Variants in GNPTAB observed in about 807,000 individuals in gnomAD.
GNPTAB encodes the protein N-acetylglucosamine-1-phosphotransferase subunits alpha/beta.
A neutral mutation model predicts 136.6 loss-of-function variants in GNPTAB; 92 were observed. The ratio of observed to expected loss-of-function variants is 0.67; its 90% CI spans 0.57 to 0.80. GNPTAB has a LOEUF of 0.80. GNPTAB is among the 30% of genes least tolerant of loss of function. GNPTAB has a pLI of 0.00. For missense variants in GNPTAB, 1,343 were observed against 1,501.8 expected, an observed-to-expected ratio of 0.89 and a Z score of 1.75; for synonymous variants, 512 against 535.1, an observed-to-expected ratio of 0.96 and a Z score of 0.60.
At chr12:101,760,201 TTAAAAA>T in intron 15 of GNPTAB, 58 bp from the exon 16 acceptor site, 1 of 1,090,630 alleles carries the variant, frequency 9.2e-7, no homozygotes. Flanking sequence ...GACTGTGGTT[TTAAAAA>T]TAAAAATTAA....
intron 1 of GNPTAB, among the ~76,000 whole-genome samples, chr12:101,818,569 G>A (rs960029054): frequency 6.6e-6 from 1 of 152,008 alleles, no homozygotes; most frequent in African/African-American, 2.4e-5. Flanking sequence ...GTAGAGATGA[G>A]GTTTCACCAT....
intron 1 of GNPTAB, among the ~76,000 whole-genome samples, chr12:101,801,981 A>C (rs865804555): frequency 1.7e-4 from 26 of 152,032 alleles, no homozygotes; most frequent in Admixed American, 1.2e-3. Context: ...TGAAGTCAGG[A>C]GTTCATGGCC....
At chr12:101,810,864 G>C (rs1870194531) in intron 1 of GNPTAB, among the ~76,000 whole-genome samples, 1 of 152,154 alleles carries the variant, frequency 6.6e-6, no homozygotes, top group Admixed American at 6.5e-5. Flanking sequence ...AAGAAAGCCT[G>C]TCACCAGATG....
At chr12:101,804,927 A>C (rs775297307) in intron 1 of GNPTAB, among the ~76,000 whole-genome samples, 3 of 152,244 alleles carry the variant, frequency 2.0e-5, no homozygotes, top group Non-Finnish European at 2.9e-5. Flanking sequence ...AATTCAAGTG[A>C]GCTGATAAAA....
chr12:101,823,733 A>C (rs940128412), intron 1 of GNPTAB, among the ~76,000 whole-genome samples: 4 of 152,210 alleles, frequency 2.6e-5, no homozygotes, highest in Non-Finnish European at 5.9e-5. Context: ...AAATCACCAT[A>C]TAAGTTAAAG....
In GNPTAB at chr12:101,755,396, A is replaced by C. The variant is rs140249283; in HGVS notation, c.3434+1816T>G. On this transcript the variant is annotated intron_variant, in intron 18 of 20. Coordinates refer to ENST00000299314, the MANE Select transcript of GNPTAB (RefSeq NM_024312.5). ...ACTGCTTTAAATTAAAGGATACTAA[A>C]GAGCTATGTCAACCTAATATATGAG... is the stretch of plus-strand genomic sequence containing the variant. Among the ~76,000 whole-genome samples, 66 of 152,356 alleles carry C rather than the reference A, an allele frequency of 4.3e-4. No individual in the cohort carries two copies. In the Middle Eastern group the frequency reaches 0.01, roughly 24 times the overall value.
intron 5 of GNPTAB, among the ~76,000 whole-genome samples, chr12:101,783,863 T>A (rs2137141578): frequency 6.6e-6 from 1 of 151,962 alleles, no homozygotes; most frequent in African/African-American, 2.4e-5. Context: ...TACAGGTGCA[T>A]GCCATCATGC....
In GNPTAB at chr12:101,767,898, T is replaced by C. The variant is rs542079798; in HGVS notation, c.1408+139A>G. 1.3e-4 allele frequency: 124 copies of C among 982,784 alleles called. No individual in the cohort carries two copies. In the African/African-American group the frequency reaches 1.6e-3, roughly 13 times the overall value. 60.9% of individuals were successfully genotyped at this position (982,784 alleles called of 1,614,324 possible). On this transcript the variant is annotated intron_variant, in intron 11 of 20. Coordinates refer to ENST00000299314, the MANE Select transcript of GNPTAB (RefSeq NM_024312.5). ...TTTGCAAAGCACTGGATTATAAGCA[T>C]GAGCCACCATGCCCAGCATTACTGA...
intron 1 of GNPTAB, among the ~76,000 whole-genome samples, chr12:101,814,427 T>C (rs540698722): frequency 2.3e-4 from 35 of 152,340 alleles, no homozygotes; most frequent in African/African-American, 7.7e-4. Context: ...CTGGACGCAG[T>C]GGCTCACGTC....
At chr12:101,783,395 A>G (rs930481735) in intron 5 of GNPTAB, among the ~76,000 whole-genome samples, 15 of 152,336 alleles carry the variant, frequency 9.8e-5, no homozygotes, top group African/African-American at 3.4e-4. Flanking sequence ...AAATGTCCCA[A>G]GGGAGAGGGA....
At chr12:101,783,218 G>A (rs374731549) in intron 5 of GNPTAB, among the ~76,000 whole-genome samples, 4 of 151,986 alleles carry the variant, frequency 2.6e-5, no homozygotes, top group East Asian at 3.9e-4. Flanking sequence ...GCACACAGCA[G>A]GCACTTAATA....
intron 1 of GNPTAB, among the ~76,000 whole-genome samples, chr12:101,815,730 G>A (rs1373214298): frequency 6.6e-6 from 1 of 151,942 alleles, no homozygotes; most frequent in Non-Finnish European, 1.5e-5. Context: ...CTCCCAAATA[G>A]GCAAAGCAAT....
intron 6 of GNPTAB, 59 bp downstream of exon 6, chr12:101,780,498 T>G: frequency 2.4e-6 from 3 of 1,274,390 alleles, no homozygotes; most frequent in Non-Finnish European, 3.4e-6. Flanking sequence ...AACAGCTTTA[T>G]TATTCATATT....
chr12:101,819,668 ACTTTTTCCT>A (rs1443814763), intron 1 of GNPTAB, among the ~76,000 whole-genome samples: 1 of 152,182 alleles, frequency 6.6e-6, no homozygotes, highest in Admixed American at 6.6e-5. Context: ...CTGAAAGATC[ACTTTTTCCT>A]GTGTAATTTA....
At chr12:101,759,328 A>C (rs529088) in intron 16 of GNPTAB, among the ~76,000 whole-genome samples, 1 of 141,352 alleles carries the variant, frequency 7.1e-6, no homozygotes, top group African/African-American at 2.6e-5. Context: ...GCGCCACTGC[A>C]CTCCGGCCTG....
chr12:101,785,174 A>G (rs1868559756), intron 5 of GNPTAB, among the ~76,000 whole-genome samples: 1 of 152,200 alleles, frequency 6.6e-6, no homozygotes, highest in South Asian at 2.1e-4. Context: ...GCATCTTCTC[A>G]TAACGTCACA....
chr12:101,792,620 C>T (rs1397601008), intron 2 of GNPTAB, among the ~76,000 whole-genome samples: 1 of 152,056 alleles, frequency 6.6e-6, no homozygotes, highest in African/African-American at 2.4e-5. Context: ...CTTTAACCAC[C>T]TCCTCCTTCC....
intron 1 of GNPTAB, among the ~76,000 whole-genome samples, chr12:101,822,411 C>CA (rs915568718): frequency 3.3e-5 from 5 of 151,694 alleles, no homozygotes; most frequent in South Asian, 2.1e-4. Context: ...GACTCCGTCT[C>CA]AAAAAAAAGA....
Position 101,764,687 on chromosome 12 carries a change from G to A in GNPTAB, c.2230C>T (p.Gln744Ter), listed in dbSNP as rs369884576. 1.2e-6 allele frequency: 2 copies of A among 1,612,972 alleles called. No individual in the cohort carries two copies. The highest frequency in any genetic ancestry group is 1.7e-6 in the Non-Finnish European group (2 of 1,179,598). ...ALLRSFLMNS[Q>*]HAKIKNQAII... ...GCTTGATTTTTTATTTTAGCATGCT[G>A]TGAGTTCATCAGAAATGATCTCAGC... Residue 744 changes from glutamine to a stop codon, truncating the protein, a stop_gained, in exon 13 of 21, where the codon CAG becomes TAG. Coordinates refer to ENST00000299314, the MANE Select transcript of GNPTAB (RefSeq NM_024312.5). LOFTEE classifies it high-confidence loss of function.
Sources: allele counts gnomAD v4.1 joint callset (sites outside exome capture counted in the v4.1 genomes callset), GRCh38; gene constraint gnomAD v4.1.1; transcripts MANE v1.5; gene names NCBI Gene and HGNC (gene_info 2026-07-23, HGNC 2026-07-21).